The following CACNA2D3 variants were observed in gnomAD, a reference collection of about 807,000 sequenced individuals.
CACNA2D3 encodes voltage-dependent calcium channel subunit alpha-2/delta-3.
A neutral mutation model predicts 160.6 loss-of-function variants in CACNA2D3; 60 were observed. The ratio of observed to expected loss-of-function variants is 0.37; its 90% CI spans 0.30 to 0.46. The LOEUF (loss-of-function observed/expected upper bound fraction) is 0.46. CACNA2D3 is among the 20% of genes least tolerant of loss of function. CACNA2D3 has a pLI of 1.00. For missense variants in CACNA2D3, 1,205 were observed against 1,365.0 expected (o/e 0.88, Z 1.85); for synonymous variants, 558 against 492.9 (o/e 1.13, Z -1.75).
intron 8 of CACNA2D3, among the ~76,000 whole-genome samples, chr3:54,570,746 T>G (rs1702482788): frequency 6.6e-6 from 1 of 152,092 alleles, no homozygotes; most frequent in South Asian, 2.1e-4. Flanking sequence ...TGTCAGTAAC[T>G]TGTCCAGGTC....
chr3:54,710,480 G>A (rs761200670), intron 11 of CACNA2D3, among the ~76,000 whole-genome samples: 11 of 152,154 alleles, frequency 7.2e-5, no homozygotes, highest in East Asian at 3.9e-4. Context: ...TGTGGCAAGC[G>A]GGAGAGAAAG....
At chr3:54,684,032 G>A (rs1212908817) in intron 11 of CACNA2D3, among the ~76,000 whole-genome samples, 2 of 142,730 alleles carry the variant, frequency 1.4e-5, no homozygotes, top group Admixed American at 1.5e-4. Context: ...GTGCACTGGT[G>A]CTATCTCGGC....
At chr3:54,835,379 T>C (rs533668852) in intron 14 of CACNA2D3, among the ~76,000 whole-genome samples, 3 of 152,262 alleles carry the variant, frequency 2.0e-5, no homozygotes, top group African/African-American at 7.2e-5. Context: ...ATTCAGAGTG[T>C]TTGGAATGGG....
intron 9 of CACNA2D3, among the ~76,000 whole-genome samples, chr3:54,591,369 T>TA (rs747705060): frequency 2.0e-5 from 3 of 152,088 alleles, no homozygotes; most frequent in Non-Finnish European, 2.9e-5. Context: ...TGGGGCAGCC[T>TA]AGTCAGCAGC....
At chr3:54,639,073 C>T (rs9823675) in intron 10 of CACNA2D3, 16,689 of 147,900 alleles carry the variant, frequency 0.11, 3,177 homozygotes, top group African/African-American at 0.41. Context: ...GATTGGGGCG[C>T]AGAGATAAGA....
At chr3:55,028,162 G>A (rs1179283541) in intron 35 of CACNA2D3, among the ~76,000 whole-genome samples, 1 of 152,176 alleles carries the variant, frequency 6.6e-6, no homozygotes, top group Non-Finnish European at 1.5e-5. Context: ...TACATCAAGA[G>A]GTGACTCAGT....
chr3:54,499,632 T>G (rs748275564), intron 4 of CACNA2D3, among the ~76,000 whole-genome samples: 1 of 152,144 alleles, frequency 6.6e-6, no homozygotes, highest in Admixed American at 6.5e-5. Context: ...TTAAAAAAAT[T>G]ATCTTGAGAA....
rs573497700 is a variant in CACNA2D3 at position 54,972,536 on chromosome 3, G to A, written c.2556+2692G>A. ...AGGTCTCCATTAAAAACAGCTGTGG[G>A]GGCTCATTAAGTTCAGTGGTCTGAC... On this transcript the variant is annotated intron_variant, in intron 29 of 37. Transcript: ENST00000474759. Among the ~76,000 whole-genome samples, 14 of 150,516 alleles carry A rather than the reference G, an allele frequency of 9.3e-5. No individual in the cohort carries two copies. The East Asian group carries it at 2.8e-3, about 30-fold the overall frequency.
intron 27 of CACNA2D3, among the ~76,000 whole-genome samples, chr3:54,917,430 C>T: frequency 6.6e-6 from 1 of 152,214 alleles, no homozygotes; most frequent in East Asian, 1.9e-4. Context: ...CTTCTTACTC[C>T]TATCCCAGTG....
chr3:54,584,577 A>G (rs761789199), intron 9 of CACNA2D3, among the ~76,000 whole-genome samples: 1 of 152,238 alleles, frequency 6.6e-6, no homozygotes, highest in Non-Finnish European at 1.5e-5. Flanking sequence ...CATCAAAGTC[A>G]TAGGAGAGGA....
Position 54,801,620 on chromosome 3 carries a change from T to C in CACNA2D3, c.1381-15233T>C, listed in dbSNP as rs184165483. On this transcript the variant is annotated intron_variant, in intron 13 of 37. Coordinates refer to ENST00000474759, the MANE Select transcript of CACNA2D3 (RefSeq NM_018398.3). ...ACATGAAGTTAATTGAGATCAGCGG[T>C]GGATATTAGCATCATAGGGAGCTTT... 7.1e-3 allele frequency among the ~76,000 whole-genome samples: 1,086 copies of C among 152,300 alleles called. 4 individuals are homozygous for C. Among genetic ancestry groups the C allele is most frequent in the Non-Finnish European group, 8.2e-3 (559 of 68,030 alleles).
chr3:54,452,693 A>G (rs1383718088), intron 4 of CACNA2D3, among the ~76,000 whole-genome samples: 1 of 152,186 alleles, frequency 6.6e-6, no homozygotes, highest in African/African-American at 2.4e-5. Context: ...TTCTGTAACA[A>G]AATACCACAA....
rs1462321799 is a variant in CACNA2D3 at position 54,365,630 on chromosome 3, A to G, written c.322-21085A>G. The stretch of plus-strand genomic sequence containing the variant: ...TGTAATCCCAGCACTTTGGGAGGCC[A>G]AGGTGGGCAGATCACCTGAGATTGG... On this transcript the variant is annotated intron_variant, in intron 3 of 37. Coordinates refer to ENST00000474759, the MANE Select transcript of CACNA2D3 (RefSeq NM_018398.3). Among the ~76,000 whole-genome samples, 3 of 152,238 alleles carry G rather than the reference A, an allele frequency of 2.0e-5. No homozygotes were observed. The East Asian group carries it at 5.8e-4, about 30-fold the overall frequency.
At chr3:54,760,933 G>A (rs1222801983) in intron 12 of CACNA2D3, among the ~76,000 whole-genome samples, 1 of 152,110 alleles carries the variant, frequency 6.6e-6, no homozygotes, top group African/African-American at 2.4e-5. Context: ...CGGGTATACA[G>A]TTGGCCGTGG....
At chr3:54,574,353 G>A (rs911342830) in intron 8 of CACNA2D3, among the ~76,000 whole-genome samples, 2 of 152,060 alleles carry the variant, frequency 1.3e-5, no homozygotes, top group South Asian at 2.1e-4. Flanking sequence ...ACTTAAGTTC[G>A]TCTTTCGGTT....
intron 4 of CACNA2D3, among the ~76,000 whole-genome samples, chr3:54,465,099 A>T (rs781376370): frequency 1.3e-5 from 2 of 149,504 alleles, no homozygotes; most frequent in South Asian, 2.1e-4. Flanking sequence ...ATCTGTCTTC[A>T]CATTCAGACA....
intron 2 of CACNA2D3, among the ~76,000 whole-genome samples, chr3:54,245,363 GA>G (rs1326109331): frequency 6.6e-6 from 1 of 152,008 alleles, no homozygotes; most frequent in Non-Finnish European, 1.5e-5. Context: ...GAGAGAATGA[GA>G]ATGATTATTC....
chr3:54,493,504 T>A lies in CACNA2D3; in HGVS notation c.382-9988T>A, dbSNP rs142538765. Among the ~76,000 whole-genome samples, 166 of 152,006 alleles carry A rather than the reference T, an allele frequency of 1.1e-3. 3 individuals carry two copies. Among genetic ancestry groups the A allele is most frequent in the African/African-American group, 3.8e-3 (156 of 41,570 alleles). On this transcript the variant is annotated intron_variant, in intron 4 of 37. Coordinates refer to ENST00000474759, the MANE Select transcript of CACNA2D3 (RefSeq NM_018398.3). ...GCCCTGGCCCCCACCTGTTTTTGTC[T>A]CTGAACTCCCCATTACTACCCTCTC...
intron 27 of CACNA2D3, among the ~76,000 whole-genome samples, chr3:54,913,495 C>T (rs1333491154): frequency 6.6e-6 from 1 of 152,152 alleles, no homozygotes; most frequent in Non-Finnish European, 1.5e-5. Context: ...GAGAGTATGA[C>T]TGAGTTTCTT....
Sources: gnomAD v4.1 joint callset for allele counts (sites outside exome capture counted in the v4.1 genomes callset) on GRCh38, gnomAD v4.1.1 for gene constraint, MANE v1.5 for transcripts, NCBI Gene and HGNC (gene_info 2026-07-23, HGNC 2026-07-21) for gene names.